The following RYR2 variants were observed in gnomAD, a reference collection of about 807,000 sequenced individuals.
RYR2 encodes the protein cardiac muscle ryanodine receptor-calcium release channel.
RYR2 carries 227 observed loss-of-function variants against 601.1 expected under a neutral mutation model. The ratio of observed to expected loss-of-function variants is 0.38; its 90% CI spans 0.34 to 0.42. RYR2 has a LOEUF of 0.42. Ranked by LOEUF, RYR2 falls within the 10% of genes least tolerant of loss-of-function variation. The pLI is 1.00. For synonymous variants in RYR2, 2,223 were observed against 2,175.1 expected, an observed-to-expected ratio of 1.02 and a Z score of -0.61; for missense variants, 4,646 against 6,156.5, an observed-to-expected ratio of 0.75 and a Z score of 8.21.
intron 42 of RYR2, among the ~76,000 whole-genome samples, chr1:237,632,485 C>T (rs1680449048): frequency 6.6e-6 from 1 of 150,586 alleles, no homozygotes; most frequent in African/African-American, 2.5e-5. Context: ...ACCTCCGCCT[C>T]CCAGGTTCAC....
chr1:237,341,145 T>A (rs1488575307), intron 3 of RYR2, among the ~76,000 whole-genome samples: 1 of 152,214 alleles, frequency 6.6e-6, no homozygotes, highest in Non-Finnish European at 1.5e-5. Context: ...AATGTATAGA[T>A]TATTTTATTT....
At chr1:237,515,316 T>C (rs1666310361) in intron 24 of RYR2, among the ~76,000 whole-genome samples, 1 of 152,250 alleles carries the variant, frequency 6.6e-6, no homozygotes, top group Non-Finnish European at 1.5e-5. Flanking sequence ...ATAAGGATTT[T>C]TAATCGACAT....
intron 1 of RYR2, among the ~76,000 whole-genome samples, chr1:237,053,724 G>A (rs1661577698): frequency 1.3e-5 from 2 of 152,188 alleles, no homozygotes; most frequent in Non-Finnish European, 2.9e-5. Flanking sequence ...GGGTGGGATA[G>A]GGAATAAGGA....
chr1:237,663,260 C>A (rs10925489), intron 56 of RYR2, among the ~76,000 whole-genome samples: 4 of 152,218 alleles, frequency 2.6e-5, no homozygotes, highest in South Asian at 2.1e-4. Context: ...TCTTGTTAAA[C>A]CTCTTCGTCT....
chr1:237,102,994 G>A (rs1366515596), intron 1 of RYR2, among the ~76,000 whole-genome samples: 1 of 152,194 alleles, frequency 6.6e-6, no homozygotes, highest in African/African-American at 2.4e-5. Flanking sequence ...TCTCCGAACA[G>A]TTTCATCTTA....
At chr1:237,393,468 G>A (rs1702559599) in intron 10 of RYR2, among the ~76,000 whole-genome samples, 1 of 152,164 alleles carries the variant, frequency 6.6e-6, no homozygotes, top group African/African-American at 2.4e-5. Flanking sequence ...GAGATGCATA[G>A]TTTATATCTG....
intron 72 of RYR2, among the ~76,000 whole-genome samples, chr1:237,717,832 A>G (rs1050298875): frequency 6.6e-6 from 1 of 152,194 alleles, no homozygotes; most frequent in Non-Finnish European, 1.5e-5. Flanking sequence ...AGATTTTACA[A>G]TGTCCTCTGA....
intron 41 of RYR2, among the ~76,000 whole-genome samples, chr1:237,630,442 T>C (rs1021922678): frequency 6.6e-6 from 1 of 152,142 alleles, no homozygotes; most frequent in Non-Finnish European, 1.5e-5. Context: ...CTAAAAGCCC[T>C]GTTCATTAAA....
chr1:237,154,888 G>A (rs763585163), intron 1 of RYR2, among the ~76,000 whole-genome samples: 6 of 152,046 alleles, frequency 3.9e-5, no homozygotes, highest in Non-Finnish European at 7.4e-5. Context: ...TCTGTAGCAG[G>A]CCACCATTCT....
At chr1:237,594,685 T>C (rs1429983853) in intron 33 of RYR2, among the ~76,000 whole-genome samples, 3 of 152,140 alleles carry the variant, frequency 2.0e-5, no homozygotes, top group Non-Finnish European at 4.4e-5. Flanking sequence ...ACTCAAAAAC[T>C]GATTTATCCC....
intron 98 of RYR2, chr1:237,802,472 T>C (rs559842094): frequency 1.3e-5 from 2 of 152,340 alleles, no homozygotes; most frequent in Admixed American, 6.5e-5. Flanking sequence ...GTTAGTTCCA[T>C]TCTCCTATTT....
At chr1:237,313,075 G>A (rs946259394) in intron 2 of RYR2, among the ~76,000 whole-genome samples, 6 of 149,822 alleles carry the variant, frequency 4.0e-5, no homozygotes, top group African/African-American at 1.5e-4. Context: ...AATATTATCT[G>A]TTCTATTAAA....
chr1:237,556,906 A>G (rs915999131), intron 27 of RYR2, among the ~76,000 whole-genome samples: 1 of 118,118 alleles, frequency 8.5e-6, no homozygotes, highest in African/African-American at 3.1e-5. Flanking sequence ...AAAAAAAAAA[A>G]AAACCCTCTC....
intron 51 of RYR2, among the ~76,000 whole-genome samples, chr1:237,653,835 G>A (rs1371167617): frequency 6.6e-6 from 1 of 152,192 alleles, no homozygotes; most frequent in Non-Finnish European, 1.5e-5. Context: ...GAAGGACTTG[G>A]AGTCTGATGT....
At chr1:237,054,309 T>G (rs2148172144) in intron 1 of RYR2, among the ~76,000 whole-genome samples, 1 of 114,504 alleles carries the variant, frequency 8.7e-6, no homozygotes, top group African/African-American at 3.2e-5. Context: ...TTCCTCCCTC[T>G]TCTCCCCTCC....
At position 237,787,966 on chromosome 1, in the gene RYR2, TTTTG is replaced by T. The variant is rs748691296; in HGVS notation, c.13329-10_13329-7del. ...TTCTTTAGTTTCTGGAGAGCTTATG[TTTTG>T]TTTGTTTGTTTTCATAGGGGAGAAG... On this transcript the variant is annotated intron_variant, in intron 91 of 104. Coordinates refer to ENST00000366574, the MANE Select transcript of RYR2 (RefSeq NM_001035.3). The T allele has an allele frequency of 4.5e-6, 7 of 1,570,002 alleles. No homozygotes were observed. Among genetic ancestry groups the T allele is most frequent in the East Asian group, 2.3e-5 (1 of 42,936 alleles).
At chr1:237,338,135 G>GCC (rs1697423252) in intron 3 of RYR2, among the ~76,000 whole-genome samples, 3 of 152,092 alleles carry the variant, frequency 2.0e-5, no homozygotes. Context: ...GCCATTATGT[G>GCC]GGCTACCCTA....
intron 38 of RYR2, among the ~76,000 whole-genome samples, chr1:237,622,092 A>G (rs372687794): frequency 2.0e-5 from 3 of 152,214 alleles, no homozygotes; most frequent in African/African-American, 4.8e-5. Flanking sequence ...ATATAAGTCT[A>G]TAATTATATC....
At chr1:237,675,336 G>A (rs988386706) in intron 60 of RYR2, among the ~76,000 whole-genome samples, 3 of 152,032 alleles carry the variant, frequency 2.0e-5, no homozygotes, top group Admixed American at 1.3e-4. Context: ...CCTCTTCCCC[G>A]TCTGGCCCAG....
Sources: gnomAD v4.1 joint callset for allele counts (sites outside exome capture counted in the v4.1 genomes callset) on GRCh38, gnomAD v4.1.1 for gene constraint, MANE v1.5 for transcripts, NCBI Gene and HGNC (gene_info 2026-07-23, HGNC 2026-07-21) for gene names.